Variants in OPCML observed in about 807,000 individuals in gnomAD.
OPCML encodes opioid-binding protein/cell adhesion molecule.
In OPCML, 13 loss-of-function variants were observed where a neutral mutation model predicts 37.8. The observed-to-expected ratio is 0.34, with a 90% CI of 0.22 to 0.55. The LOEUF (loss-of-function observed/expected upper bound fraction) is 0.55, where lower values mean the gene tolerates loss of function less well. Ranked by LOEUF, OPCML falls within the 20% of genes least tolerant of loss-of-function variation. The pLI is 0.91. For missense variants in OPCML, 341 were observed against 435.6 expected, an observed-to-expected ratio of 0.78 and a Z score of 1.93; for synonymous variants, 176 against 168.8, an observed-to-expected ratio of 1.04 and a Z score of -0.33.
At chr11:132,523,018 C>A (rs962192915) in intron 4 of OPCML, among the ~76,000 whole-genome samples, 10 of 152,168 alleles carry the variant, frequency 6.6e-5, no homozygotes, top group Non-Finnish European at 1.2e-4. Context: ...CTCACTGCAA[C>A]CTCCGCCTCC....
At chr11:132,504,148 CA>C (rs901265701) in intron 4 of OPCML, among the ~76,000 whole-genome samples, 1 of 152,052 alleles carries the variant, frequency 6.6e-6, no homozygotes, top group African/African-American at 2.4e-5. Context: ...ATCAATCAAA[CA>C]ATACTAATAA....
In OPCML at chr11:133,492,521, G is replaced by T. The variant is rs889346541; in HGVS notation, c.61+39743C>A. Among the ~76,000 whole-genome samples, 6 of 152,032 alleles carry T rather than the reference G, an allele frequency of 3.9e-5. No homozygotes were observed. In the East Asian group the frequency reaches 9.7e-4, roughly 25 times the overall value. ...AAAAGGCTGCTCAGAAGTTGCTGGG[G>T]TTTTTTTAATAACAAAGTAAGACAT... On this transcript the variant is annotated intron_variant, in intron 1 of 7. Transcript: ENST00000524381.
intron 2 of OPCML, among the ~76,000 whole-genome samples, chr11:132,741,221 C>CTTCA (rs1426073066): frequency 5.6e-4 from 86 of 152,300 alleles, no homozygotes; most frequent in Non-Finnish European, 1.3e-4. Context: ...CCCAGCCAGC[C>CTTCA]TTCAATTCAG....
At chr11:132,599,152 G>A (rs1937651737) in intron 3 of OPCML, among the ~76,000 whole-genome samples, 1 of 152,138 alleles carries the variant, frequency 6.6e-6, no homozygotes, top group African/African-American at 2.4e-5. Flanking sequence ...GGTGGCATAT[G>A]CCTATAATCC....
intron 1 of OPCML, among the ~76,000 whole-genome samples, chr11:132,969,247 T>C (rs2136749091): frequency 6.6e-6 from 1 of 152,336 alleles, no homozygotes; most frequent in Middle Eastern, 3.4e-3. Flanking sequence ...TATGTCATTC[T>C]ACTGCCTTAT....
At chr11:133,443,058 AG>A (rs1946396891) in intron 1 of OPCML, among the ~76,000 whole-genome samples, 1 of 152,216 alleles carries the variant, frequency 6.6e-6, no homozygotes, top group Non-Finnish European at 1.5e-5. Context: ...ACAAAATAAA[AG>A]TGATGAAATG....
At chr11:133,385,288 G>A (rs1344609784) in intron 1 of OPCML, among the ~76,000 whole-genome samples, 1 of 152,150 alleles carries the variant, frequency 6.6e-6, no homozygotes, top group Non-Finnish European at 1.5e-5. Context: ...GAGAGACTCT[G>A]ACCCGAAAAC....
At chr11:132,511,481 G>T (rs1485466005) in intron 4 of OPCML, among the ~76,000 whole-genome samples, 1 of 151,900 alleles carries the variant, frequency 6.6e-6, no homozygotes, top group Non-Finnish European at 1.5e-5. Context: ...AAAAAAACAA[G>T]TTTGGCAATC....
chr11:132,491,935 T>C (rs2096217390), intron 4 of OPCML, among the ~76,000 whole-genome samples: 1 of 151,250 alleles, frequency 6.6e-6, no homozygotes, highest in East Asian at 2.0e-4. Flanking sequence ...TTTTTTTTTT[T>C]TTTTTTTTTT....
intron 1 of OPCML, among the ~76,000 whole-genome samples, chr11:133,525,789 T>C (rs377568380): frequency 2.0e-5 from 3 of 152,198 alleles, no homozygotes; most frequent in East Asian, 3.8e-4. Context: ...TTTCTCCACG[T>C]TGGAGTTCAC....
chr11:133,425,249 C>T (rs1220917970), intron 1 of OPCML, among the ~76,000 whole-genome samples: 1 of 152,220 alleles, frequency 6.6e-6, no homozygotes, highest in Non-Finnish European at 1.5e-5. Flanking sequence ...CCCTCCAAAT[C>T]ACATAAATAT....
intron 4 of OPCML, among the ~76,000 whole-genome samples, chr11:132,447,293 C>T (rs539720250): frequency 5.3e-5 from 8 of 152,154 alleles, no homozygotes; most frequent in African/African-American, 1.7e-4. Context: ...ACCTGTCTTC[C>T]CAATGTACTT....
rs576547493 is a variant in OPCML, at chr11:133,168,962, C to G, written c.62-225952G>C. On this transcript the variant is annotated intron_variant, in intron 1 of 7. Transcript: ENST00000524381. The stretch of plus-strand genomic sequence containing the variant: ...TGACCAATATGGTGAAACACTGTCT[C>G]TACTAAAAATACAAAAAGCTAGCTG... Among the ~76,000 whole-genome samples the G allele has an allele frequency of 2.6e-4, 40 of 152,174 alleles. No individual in the cohort carries two copies. In the South Asian group the frequency reaches 5.6e-3, roughly 21 times the overall value.
intron 3 of OPCML, among the ~76,000 whole-genome samples, chr11:132,570,955 T>C (rs1328748310): frequency 1.3e-4 from 19 of 151,398 alleles, no homozygotes; most frequent in Non-Finnish European, 2.2e-4. Context: ...TCTTTGTGTC[T>C]GTGAGGGTGT....
chr11:133,079,898 T>G (rs1565436127), intron 1 of OPCML, among the ~76,000 whole-genome samples: 1 of 152,216 alleles, frequency 6.6e-6, no homozygotes, highest in Non-Finnish European at 1.5e-5. Context: ...TCCAAGGGGA[T>G]GGAAGATAGG....
intron 2 of OPCML, among the ~76,000 whole-genome samples, chr11:132,862,886 G>C (rs1591718612): frequency 6.6e-6 from 1 of 152,242 alleles, no homozygotes; most frequent in African/African-American, 2.4e-5. Flanking sequence ...TTTCATAAAA[G>C]AAGATTATAA....
At chr11:132,787,618 C>T (rs1045086704) in intron 2 of OPCML, among the ~76,000 whole-genome samples, 27 of 151,994 alleles carry the variant, frequency 1.8e-4, no homozygotes, top group African/African-American at 5.6e-4. Context: ...ACATAGTCCC[C>T]GTGATAGTTT....
chr11:133,105,709 G>A (rs1016466386), intron 1 of OPCML, among the ~76,000 whole-genome samples: 3 of 152,284 alleles, frequency 2.0e-5, no homozygotes, highest in African/African-American at 4.8e-5. Context: ...GGCTGGGCAC[G>A]GTAGCTCATG....
intron 2 of OPCML, among the ~76,000 whole-genome samples, chr11:132,681,619 C>T (rs1405909340): frequency 1.3e-5 from 2 of 152,126 alleles, no homozygotes; most frequent in East Asian, 3.9e-4. Flanking sequence ...CAACCTCATT[C>T]CTCCGGGATG....
Sources: allele counts gnomAD v4.1 joint callset (sites outside exome capture counted in the v4.1 genomes callset), GRCh38; gene constraint gnomAD v4.1.1; transcripts MANE v1.5; gene names NCBI Gene and HGNC (gene_info 2026-07-23, HGNC 2026-07-21).